The following NECTIN3 variants were observed in gnomAD, a reference collection of about 807,000 sequenced individuals.
NECTIN3 encodes the protein nectin cell adhesion molecule 3.
NECTIN3 carries 8 observed loss-of-function variants against 49.4 expected under a neutral mutation model. The observed-to-expected ratio is 0.16, with a 90% CI of 0.10 to 0.29. The LOEUF (loss-of-function observed/expected upper bound fraction) is 0.29, where lower values mean the gene tolerates loss of function less well. Among genes scored for constraint, NECTIN3 ranks in the 10% least tolerant of loss-of-function variants. The pLI is 1.00. For synonymous variants in NECTIN3, 277 were observed against 241.1 expected (o/e 1.15, Z -1.38); for missense variants, 581 against 654.6 (o/e 0.89, Z 1.23).
intron 1 of NECTIN3, among the ~76,000 whole-genome samples, chr3:111,074,608 G>C (rs942929075): frequency 9.9e-5 from 15 of 152,150 alleles, no homozygotes; most frequent in African/African-American, 3.6e-4. Context: ...GTTTATATCA[G>C]ACTTGCTGGC....
chr3:111,169,961 A>T (rs1268843158), intron 7 of NECTIN3, among the ~76,000 whole-genome samples: 1 of 152,236 alleles, frequency 6.6e-6, no homozygotes, highest in African/African-American at 2.4e-5. Flanking sequence ...GACATTTAAC[A>T]AAACCATTGC....
intron 7 of NECTIN3, among the ~76,000 whole-genome samples, chr3:111,178,429 GA>G (rs1170961424): frequency 2.0e-5 from 3 of 152,176 alleles, no homozygotes; most frequent in Non-Finnish European, 4.4e-5. Context: ...CACTCAAAAA[GA>G]GAGGGGAAAT....
chr3:111,134,713 A>G lies in NECTIN3; in HGVS notation c.*498A>G, dbSNP rs868277578. ...ATATATTTTTTAATATACAAAAAAT[A>G]TTTAGCCTGATGGAATGGCTTTCCT... On this transcript the variant is annotated 3_prime_UTR_variant, in exon 6 of 6. Coordinates refer to ENST00000485303, the MANE Select transcript of NECTIN3 (RefSeq NM_015480.3). 6.8e-6 allele frequency: 6 copies of G among 883,190 alleles called. No individual in the cohort carries two copies. The African/African-American group carries it at 1.1e-4, about 16-fold the overall frequency. The allele number at this position is 883,190 out of a possible 1,614,324, so 54.7% of individuals were successfully genotyped here. A position where few individuals can be genotyped will look rare whatever the true frequency, so the allele number is the denominator to read the frequency against.
At chr3:111,122,608 A>G (rs1003639040) in intron 4 of NECTIN3, among the ~76,000 whole-genome samples, 5 of 152,298 alleles carry the variant, frequency 3.3e-5, no homozygotes, top group African/African-American at 1.2e-4. Context: ...AGTCCAAACG[A>G]AATTTTAGCT....
At chr3:111,105,002 C>T (rs1385164225) in intron 1 of NECTIN3, among the ~76,000 whole-genome samples, 2 of 152,096 alleles carry the variant, frequency 1.3e-5, no homozygotes, top group Non-Finnish European at 2.9e-5. Flanking sequence ...AAGTATGTCT[C>T]TCCATTTCTT....
rs1459792250 is a variant in NECTIN3, at chr3:111,136,417, A to G, written c.*2202A>G. ...GTGACCTGGAAAGCCACAAGTGAGT[A>G]TTTGACATATTCTGTATCCTTAATC... On this transcript the variant is annotated 3_prime_UTR_variant, in exon 6 of 6. Coordinates refer to ENST00000485303, the MANE Select transcript of NECTIN3 (RefSeq NM_015480.3). 3 of 984,216 alleles carry G rather than the reference A, an allele frequency of 3.0e-6. No individual in the cohort carries two copies. In the East Asian group the frequency reaches 3.4e-4, roughly 112 times the overall value. The allele number at this position is 984,216 out of a possible 1,614,324, so 61.0% of individuals were successfully genotyped here. A position where few individuals can be genotyped will look rare whatever the true frequency, so the allele number is the denominator to read the frequency against.
At chr3:111,183,710 T>C (rs554014654) in intron 7 of NECTIN3, among the ~76,000 whole-genome samples, 5 of 152,284 alleles carry the variant, frequency 3.3e-5, no homozygotes, top group East Asian at 1.9e-4. Flanking sequence ...TCCTTTTTTT[T>C]CTAGTGAGAA....
intron 7 of NECTIN3, among the ~76,000 whole-genome samples, chr3:111,168,999 T>A (rs1352809091): frequency 6.6e-6 from 1 of 151,654 alleles, no homozygotes; most frequent in Non-Finnish European, 1.5e-5. Context: ...AGAAAACATA[T>A]ACTTTTCTTT....
rs1041590191 is a variant in NECTIN3 at position 111,072,760 on chromosome 3, A to G, written c.160+583A>G. 2.6e-5 allele frequency: 15 copies of G among 573,872 alleles called. No individual in the cohort carries two copies. In the Admixed American group the frequency reaches 3.0e-4, roughly 12 times the overall value. The allele number at this position is 573,872 out of a possible 1,614,324, so 35.5% of individuals were successfully genotyped here. A position where few individuals can be genotyped will look rare whatever the true frequency, so the allele number is the denominator to read the frequency against. On this transcript the variant is annotated intron_variant, in intron 1 of 5. Coordinates refer to ENST00000485303, the MANE Select transcript of NECTIN3 (RefSeq NM_015480.3). ...ACAGCTTCTGGAGCTCTCTAGATTG[A>G]CCCTCGTCCCTGCCCTCCAGCTTGT...
chr3:111,140,147 T>A (rs1243670041), downstream of NECTIN3, among the ~76,000 whole-genome samples: 3 of 151,910 alleles, frequency 2.0e-5, no homozygotes, highest in African/African-American at 4.8e-5. Context: ...ATGGAAGAAG[T>A]AGATTGTTTG....
At chr3:111,156,338 CATCTT>C (rs2107516364) in intron 7 of NECTIN3, among the ~76,000 whole-genome samples, 1 of 150,990 alleles carries the variant, frequency 6.6e-6, no homozygotes, top group South Asian at 2.1e-4. Flanking sequence ...CATTTAGAAA[CATCTT>C]AAGTTTGAAG....
chr3:111,100,092 C>T (rs993695412), intron 1 of NECTIN3, among the ~76,000 whole-genome samples: 2 of 151,926 alleles, frequency 1.3e-5, no homozygotes, highest in Non-Finnish European at 2.9e-5. Flanking sequence ...ATTCTTAGAC[C>T]TTAGAAGTAC....
At chr3:111,072,310 G>A (rs1426970446) in intron 1 of NECTIN3, 133 bp downstream of exon 1, 26 of 1,434,900 alleles carry the variant, frequency 1.8e-5, no homozygotes, top group Non-Finnish European at 3.6e-6. Flanking sequence ...GAGGACTTTG[G>A]CTGGAAACTT....
intron 1 of NECTIN3, among the ~76,000 whole-genome samples, chr3:111,080,635 T>TA (rs1478182818): frequency 6.6e-6 from 1 of 151,618 alleles, no homozygotes; most frequent in African/African-American, 2.4e-5. Context: ...TATTTACTGT[T>TA]ACAGAAGTAA....
At chr3:111,087,125 C>T (rs914313079) in intron 1 of NECTIN3, among the ~76,000 whole-genome samples, 1 of 152,066 alleles carries the variant, frequency 6.6e-6, no homozygotes, top group Non-Finnish European at 1.5e-5. Context: ...ATTTCTAATA[C>T]TTTGTGGAAT....
chr3:111,073,284 AGAGATGTGTGCACATTTCTTGAATAGTGT>A, intron 1 of NECTIN3: 1 of 152,198 alleles, frequency 6.6e-6, no homozygotes, highest in South Asian at 2.1e-4. Context: ...TATTAAAAGG[AGAGATGTGTGCACATTTCTTGAATAGTGT>A]GATTTAGAAG....
intron 7 of NECTIN3, among the ~76,000 whole-genome samples, chr3:111,174,689 G>A (rs1049986163): frequency 7.2e-6 from 1 of 138,528 alleles, no homozygotes; most frequent in East Asian, 2.4e-4. Flanking sequence ...TGGCTTGCCT[G>A]TTCCATCGCC....
intron 1 of NECTIN3, among the ~76,000 whole-genome samples, chr3:111,110,867 T>C (rs2033428184): frequency 1.3e-5 from 2 of 152,104 alleles, no homozygotes; most frequent in African/African-American, 4.8e-5. Context: ...TGTTTTTGTT[T>C]ATTCCTCTAA....
At chr3:111,112,598 C>G (rs899696062) in intron 2 of NECTIN3, among the ~76,000 whole-genome samples, 11 of 151,996 alleles carry the variant, frequency 7.2e-5, no homozygotes, top group African/African-American at 2.7e-4. Context: ...ATAGTTTTAT[C>G]TAGTTTCTTT....
Sources: gnomAD v4.1 joint callset for allele counts (sites outside exome capture counted in the v4.1 genomes callset) on GRCh38, gnomAD v4.1.1 for gene constraint, MANE v1.5 for transcripts, NCBI Gene and HGNC (gene_info 2026-07-23, HGNC 2026-07-21) for gene names.